MACROD2: variants seen among roughly 807,000 people sequenced by gnomAD.
The protein encoded by MACROD2 is mono-ADP ribosylhydrolase 2.
Under a neutral mutation model 70.4 loss-of-function variants are expected in MACROD2, and 36 were observed. The observed-to-expected ratio is 0.51, with a 90% CI of 0.39 to 0.68. MACROD2 has a LOEUF of 0.68. Among genes scored for constraint, MACROD2 ranks in the 30% least tolerant of loss-of-function variants. The pLI is 0.00. For missense variants in MACROD2, 496 were observed against 538.4 expected, an observed-to-expected ratio of 0.92 and a Z score of 0.78; for synonymous variants, 172 against 178.8, an observed-to-expected ratio of 0.96 and a Z score of 0.30.
chr20:14,758,692 G>C (rs2071975007), intron 5 of MACROD2, among the ~76,000 whole-genome samples: 1 of 152,026 alleles, frequency 6.6e-6, no homozygotes, highest in Non-Finnish European at 1.5e-5. Flanking sequence ...TGTGTGGAGA[G>C]GATTTGAGTC....
chr20:15,585,658 C>G (rs555823895), intron 8 of MACROD2, among the ~76,000 whole-genome samples: 1 of 152,288 alleles, frequency 6.6e-6, no homozygotes, highest in South Asian at 2.1e-4. Flanking sequence ...TGTAGTTGCA[C>G]CTTTTCCAAG....
intron 15 of MACROD2, among the ~76,000 whole-genome samples, chr20:16,030,225 T>A (rs2147579117): frequency 6.6e-6 from 1 of 152,308 alleles, no homozygotes; most frequent in South Asian, 2.1e-4. Context: ...AGATGGCAAC[T>A]GTGCAGACAA....
chr20:14,972,964 A>G (rs527293866), intron 5 of MACROD2, among the ~76,000 whole-genome samples: 1 of 152,344 alleles, frequency 6.6e-6, no homozygotes, highest in Non-Finnish European at 1.5e-5. Flanking sequence ...AGCTACTGGA[A>G]TAATTAAGTG....
intron 3 of MACROD2, among the ~76,000 whole-genome samples, chr20:14,221,789 A>G (rs1457512436): frequency 6.6e-6 from 1 of 152,234 alleles, no homozygotes; most frequent in Non-Finnish European, 1.5e-5. Flanking sequence ...ACAATAACAA[A>G]AACTAACCCT....
chr20:14,656,601 T>G (rs1271393183), intron 4 of MACROD2, among the ~76,000 whole-genome samples: 1 of 152,216 alleles, frequency 6.6e-6, no homozygotes, highest in Non-Finnish European at 1.5e-5. Context: ...AAAACACTAT[T>G]CATATTTCAT....
At chr20:16,003,062 T>C (rs1244672303) in intron 15 of MACROD2, among the ~76,000 whole-genome samples, 1 of 136,366 alleles carries the variant, frequency 7.3e-6, no homozygotes, top group African/African-American at 2.8e-5. Context: ...AAAAACAAAA[T>C]AGAAAACCCA....
At chr20:15,886,338 C>T (rs748488396) in intron 10 of MACROD2, among the ~76,000 whole-genome samples, 2 of 152,112 alleles carry the variant, frequency 1.3e-5, no homozygotes, top group South Asian at 2.1e-4. Flanking sequence ...CAAAGCATGG[C>T]GGCCAGCTTC....
chr20:15,868,180 C>T (rs2064520464), intron 9 of MACROD2, among the ~76,000 whole-genome samples: 2 of 152,154 alleles, frequency 1.3e-5, no homozygotes, highest in Admixed American at 1.3e-4. Flanking sequence ...TACAGTGTTT[C>T]GACTGCTGAT....
At chr20:15,666,800 T>C (rs1336146410) in intron 8 of MACROD2, among the ~76,000 whole-genome samples, 2 of 152,180 alleles carry the variant, frequency 1.3e-5, no homozygotes, top group African/African-American at 2.4e-5. Flanking sequence ...CCACGAGCCA[T>C]GTCAGAAGAA....
chr20:15,896,036 C>G (rs1016588765), intron 10 of MACROD2, among the ~76,000 whole-genome samples: 1 of 152,186 alleles, frequency 6.6e-6, no homozygotes, highest in African/African-American at 2.4e-5. Context: ...GAGTTACAAT[C>G]ATTCTTTCCT....
At chr20:14,610,306 C>T (rs893288841) in intron 4 of MACROD2, among the ~76,000 whole-genome samples, 1 of 152,084 alleles carries the variant, frequency 6.6e-6, no homozygotes, top group African/African-American at 2.4e-5. Flanking sequence ...TGTGTTGAAT[C>T]TAAATTCTTA....
chr20:14,328,331 A>G (rs2082771987), intron 3 of MACROD2, among the ~76,000 whole-genome samples: 1 of 152,048 alleles, frequency 6.6e-6, no homozygotes, highest in African/African-American at 2.4e-5. Flanking sequence ...ACATTTTGTT[A>G]TATGTTTCAT....
intron 4 of MACROD2, among the ~76,000 whole-genome samples, chr20:14,528,488 T>C (rs2085263226): frequency 6.6e-6 from 1 of 152,070 alleles, no homozygotes; most frequent in Non-Finnish European, 1.5e-5. Context: ...TGTACAAAGT[T>C]CCTGATCTCG....
intron 13 of MACROD2, among the ~76,000 whole-genome samples, chr20:15,978,569 C>T (rs913595939): frequency 4.1e-5 from 6 of 147,482 alleles, no homozygotes; most frequent in African/African-American, 7.6e-5. Context: ...TAAACTTACT[C>T]GCCTGACCTT....
intron 4 of MACROD2, among the ~76,000 whole-genome samples, chr20:14,615,184 C>T (rs997621205): frequency 6.6e-6 from 1 of 152,054 alleles, no homozygotes; most frequent in Non-Finnish European, 1.5e-5. Context: ...GCATATTGAT[C>T]AGTGCTTGGA....
chr20:15,447,269 T>C (rs2046581339), intron 7 of MACROD2, among the ~76,000 whole-genome samples: 1 of 152,150 alleles, frequency 6.6e-6, no homozygotes, highest in Admixed American at 6.5e-5. Flanking sequence ...GGCTGCAAGC[T>C]ATGGCAGGGC....
chr20:15,736,854 C>T (rs1569000217), intron 8 of MACROD2, among the ~76,000 whole-genome samples: 1 of 152,250 alleles, frequency 6.6e-6, no homozygotes, highest in Middle Eastern at 3.4e-3. Context: ...GTCCTGGAAC[C>T]ACTCTCCCAT....
At chr20:14,148,445 AG>A (rs1196356685) in intron 3 of MACROD2, among the ~76,000 whole-genome samples, 2 of 152,194 alleles carry the variant, frequency 1.3e-5, no homozygotes, top group Non-Finnish European at 2.9e-5. Context: ...ATGATTTTGT[AG>A]GATTTATTTT....
chr20:16,004,384 A>G (rs901398261), intron 15 of MACROD2, among the ~76,000 whole-genome samples: 8 of 152,200 alleles, frequency 5.3e-5, no homozygotes, highest in Non-Finnish European at 1.5e-5. Flanking sequence ...GCCCTGTGGT[A>G]CGCAAAATGC....
Sources: gnomAD v4.1 joint callset for allele counts (sites outside exome capture counted in the v4.1 genomes callset) on GRCh38, gnomAD v4.1.1 for gene constraint, MANE v1.5 for transcripts, NCBI Gene and HGNC (gene_info 2026-07-23, HGNC 2026-07-21) for gene names.